NEIL3: variants seen among roughly 807,000 people sequenced by gnomAD.
NEIL3 encodes the protein nei like DNA glycosylase 3.
Under a neutral mutation model 57.5 loss-of-function variants are expected in NEIL3, and 48 were observed. The observed-to-expected ratio is 0.83, with a 90% CI of 0.66 to 1.06. The LOEUF (loss-of-function observed/expected upper bound fraction) is 1.06, where lower values mean the gene tolerates loss of function less well. Ranked by LOEUF, NEIL3 falls within the 50% of genes least tolerant of loss-of-function variation. The pLI is 0.00. For synonymous variants in NEIL3, 261 were observed against 253.2 expected (o/e 1.03, Z -0.29); for missense variants, 717 against 739.1 (o/e 0.97, Z 0.35).
intron 6 of NEIL3, among the ~76,000 whole-genome samples, chr4:177,342,837 G>A (rs1325601854): frequency 2.6e-5 from 4 of 152,258 alleles, no homozygotes; most frequent in African/African-American, 4.8e-5. Context: ...GAGGCTCCAC[G>A]TTGTGGAATA....
Position 177,351,553 on chromosome 4 carries a change from A to G in NEIL3, c.1039+4A>G. 1 of 1,606,164 alleles carries G rather than the reference A, an allele frequency of 6.2e-7. No individual in the cohort carries two copies. Among genetic ancestry groups the G allele is most frequent in the Non-Finnish European group, 8.5e-7 (1 of 1,176,452 alleles). On this transcript the variant is annotated splice_donor_region_variant and intron_variant, in intron 7 of 9. Coordinates refer to ENST00000264596, the MANE Select transcript of NEIL3 (RefSeq NM_018248.3). ...TGCTTGACCTCAAGGCCTATTGGTA[A>G]GACTGAATTTTGATTTTGAGTTTGT...
chr4:177,358,517 G>A (rs149339839), intron 8 of NEIL3, among the ~76,000 whole-genome samples: 360 of 152,206 alleles, frequency 2.4e-3, no homozygotes, highest in African/African-American at 7.4e-3. Context: ...ATGTTGGCCA[G>A]GCTGGTCTTG....
At chr4:177,359,433 T>TA (rs1735561192) in intron 8 of NEIL3, among the ~76,000 whole-genome samples, 1 of 152,172 alleles carries the variant, frequency 6.6e-6, no homozygotes, top group African/African-American at 2.4e-5. Flanking sequence ...TCTCTGAACA[T>TA]TTCAATTAGA....
intron 4 of NEIL3, among the ~76,000 whole-genome samples, chr4:177,337,632 T>C (rs912901104): frequency 6.6e-6 from 1 of 152,220 alleles, no homozygotes; most frequent in African/African-American, 2.4e-5. Flanking sequence ...GAGAATTTAC[T>C]TTTTATCTCT....
intron 1 of NEIL3, among the ~76,000 whole-genome samples, chr4:177,312,591 G>C (rs12648231): frequency 6.6e-6 from 1 of 151,898 alleles, no homozygotes; most frequent in South Asian, 2.1e-4. Context: ...ATACAAATGC[G>C]TCAGTAATGG....
At chr4:177,330,932 T>C (rs575272463) in intron 2 of NEIL3, among the ~76,000 whole-genome samples, 43 of 152,290 alleles carry the variant, frequency 2.8e-4, no homozygotes, top group African/African-American at 1.0e-3. Context: ...TATTGGACAA[T>C]ACAGCTCACA....
rs574864635 is a variant in NEIL3, at chr4:177,341,755, C to T, written c.869+113C>T. On this transcript the variant is annotated intron_variant, in intron 6 of 9. Coordinates refer to ENST00000264596, the MANE Select transcript of NEIL3 (RefSeq NM_018248.3). The stretch of plus-strand genomic sequence containing the variant: ...AGGCTATTCAGAAGAGAACGTGACT[C>T]AAAAGTATTTTAGTCCTTGAAAGGA... 159 of 907,934 alleles carry T rather than the reference C, an allele frequency of 1.8e-4. 1 individual carries two copies. The highest frequency in any genetic ancestry group is 2.4e-4 in the Non-Finnish European group (152 of 630,286). 56.2% of individuals were successfully genotyped at this position (907,934 alleles called of 1,614,324 possible). A position where few individuals can be genotyped will look rare whatever the true frequency, so the allele number is the denominator to read the frequency against.
rs1218589145 is a variant in NEIL3, at chr4:177,353,473, T to C, written c.1205T>C (p.Leu402Ser). 1 of 1,613,870 alleles carries C rather than the reference T, an allele frequency of 6.2e-7. No homozygotes were observed. The highest frequency in any genetic ancestry group is 2.2e-5 in the East Asian group (1 of 44,832). ...GATTTTAGCAATAAATCCAGTACTT[T>C]GGAAAGAAAAACAAAGCAAAACCAG... Reference protein sequence around the residue: ...LTDFSNKSSTLERKTKQNQIL... With the variant: ...LTDFSNKSSTSERKTKQNQIL... The change falls in exon 8 of 10, where the codon TTG becomes TCG. Residue 402 changes from leucine to serine, a missense_variant. Coordinates refer to ENST00000264596, the MANE Select transcript of NEIL3 (RefSeq NM_018248.3).
chr4:177,325,471 T>G (rs1001330235), intron 2 of NEIL3, among the ~76,000 whole-genome samples: 3 of 152,120 alleles, frequency 2.0e-5, no homozygotes, highest in Admixed American at 1.3e-4. Context: ...TTGGATTGTT[T>G]CAAGTTTTTA....
In NEIL3 at chr4:177,312,808, G is replaced by A. The variant is rs1734501666; in HGVS notation, c.156+2699G>A. 2.0e-5 allele frequency among the ~76,000 whole-genome samples: 3 copies of A among 152,044 alleles called. No individual in the cohort carries two copies. In the South Asian group the frequency reaches 6.2e-4, roughly 32 times the overall value. On this transcript the variant is annotated intron_variant, in intron 1 of 9. Coordinates refer to ENST00000264596, the MANE Select transcript of NEIL3 (RefSeq NM_018248.3). The stretch of plus-strand genomic sequence containing the variant: ...ATATGGAAGGAATACATTCTTTGAG[G>A]CTGTTGGTAAATTTCTAAATAATTT...
intron 2 of NEIL3, among the ~76,000 whole-genome samples, chr4:177,330,925 T>C (rs1294896476): frequency 6.6e-6 from 1 of 152,168 alleles, no homozygotes; most frequent in Non-Finnish European, 1.5e-5. Context: ...GCTGCCATAT[T>C]GGACAATACA....
chr4:177,314,043 T>G (rs1734524649), intron 1 of NEIL3, among the ~76,000 whole-genome samples: 1 of 152,180 alleles, frequency 6.6e-6, no homozygotes, highest in Non-Finnish European at 1.5e-5. Context: ...TTTAAAGAAA[T>G]GAGCTAATCT....
intron 9 of NEIL3, among the ~76,000 whole-genome samples, chr4:177,361,445 A>G (rs561048557): frequency 6.6e-6 from 1 of 152,246 alleles, no homozygotes; most frequent in African/African-American, 2.4e-5. Context: ...GAAAGATCAA[A>G]TATCTGTCTT....
chr4:177,353,316 C>A lies in NEIL3; in HGVS notation c.1048C>A (p.Leu350Ile). The stretch of plus-strand genomic sequence containing the variant: ...CTTCTCTCTCCTTCCAGATTCAGTG[C>A]TCAAGAGTGAAGAAAATTCTACTGT... ...CLTSRPIDSV[L>I]KSEENSTVFS... Residue 350 changes from leucine (L) to isoleucine (I), a missense_variant, in exon 8 of 10, where the codon CTC becomes ATC. Coordinates refer to ENST00000264596, the MANE Select transcript of NEIL3 (RefSeq NM_018248.3). The A allele has an allele frequency of 1.9e-6, 3 of 1,611,844 alleles. No homozygotes were observed. Among genetic ancestry groups the A allele is most frequent in the Non-Finnish European group, 2.5e-6 (3 of 1,179,152 alleles).
chr4:177,319,362 G>A (rs947786270), intron 1 of NEIL3, among the ~76,000 whole-genome samples: 5 of 152,330 alleles, frequency 3.3e-5, no homozygotes, highest in Admixed American at 6.5e-5. Flanking sequence ...GGTGCACTGA[G>A]AAGCAGTGAT....
intron 8 of NEIL3, among the ~76,000 whole-genome samples, chr4:177,358,831 G>GT (rs1319041778): frequency 6.6e-6 from 1 of 152,096 alleles, no homozygotes; most frequent in Non-Finnish European, 1.5e-5. Flanking sequence ...ATGTTCAACC[G>GT]TTATCCAAAA....
At chr4:177,356,427 A>G (rs1735474726) in intron 8 of NEIL3, among the ~76,000 whole-genome samples, 1 of 152,220 alleles carries the variant, frequency 6.6e-6, no homozygotes, top group African/African-American at 2.4e-5. Flanking sequence ...CTAGCAGAAT[A>G]AATGTCAAGT....
chr4:177,311,558 C>T (rs1246744294), intron 1 of NEIL3, among the ~76,000 whole-genome samples: 1 of 151,688 alleles, frequency 6.6e-6, no homozygotes, highest in Non-Finnish European at 1.5e-5. Context: ...CCTGTAATCC[C>T]AGCTACTCAG....
At chr4:177,354,482 C>T (rs1171582831) in intron 8 of NEIL3, among the ~76,000 whole-genome samples, 2 of 152,040 alleles carry the variant, frequency 1.3e-5, no homozygotes, top group Non-Finnish European at 2.9e-5. Flanking sequence ...TCTGAGGTGC[C>T]TGTAGTGACC....
Sources: gnomAD v4.1 joint callset for allele counts (sites outside exome capture counted in the v4.1 genomes callset) on GRCh38, gnomAD v4.1.1 for gene constraint, MANE v1.5 for transcripts, NCBI Gene and HGNC (gene_info 2026-07-23, HGNC 2026-07-21) for gene names.